NFIB: variants seen among roughly 807,000 people sequenced by gnomAD.
NFIB encodes nuclear factor I B.
In NFIB, 11 loss-of-function variants were observed where a neutral mutation model predicts 61.5. The ratio of observed to expected loss-of-function variants is 0.18; its 90% CI spans 0.11 to 0.30. The LOEUF (loss-of-function observed/expected upper bound fraction) is 0.30, where lower values mean the gene tolerates loss of function less well. Ranked by LOEUF, NFIB falls within the 10% of genes least tolerant of loss-of-function variation. NFIB has a pLI of 1.00. For synonymous variants in NFIB, 260 were observed against 216.5 expected (o/e 1.20, Z -1.76); for missense variants, 471 against 608.9 (o/e 0.77, Z 2.38).
intron 2 of NFIB, among the ~76,000 whole-genome samples, chr9:14,279,778 A>G (rs1383929777): frequency 6.6e-6 from 1 of 152,194 alleles, no homozygotes; most frequent in African/African-American, 2.4e-5. Context: ...CCTCAATAGA[A>G]GGTACACTTA....
chr9:14,165,633 A>G (rs1347046389), intron 3 of NFIB, among the ~76,000 whole-genome samples: 1 of 152,200 alleles, frequency 6.6e-6, no homozygotes, highest in Non-Finnish European at 1.5e-5. Flanking sequence ...ACTCTTCAGC[A>G]AAATTCAACA....
At chr9:14,115,266 C>T (rs1182162796) in intron 9 of NFIB, among the ~76,000 whole-genome samples, 2 of 148,540 alleles carry the variant, frequency 1.3e-5, no homozygotes, top group Non-Finnish European at 3.0e-5. Flanking sequence ...ATTTCAAGAT[C>T]ATGGGGATTT....
intron 2 of NFIB, among the ~76,000 whole-genome samples, chr9:14,284,583 C>G (rs577919027): frequency 1.3e-5 from 2 of 152,194 alleles, no homozygotes; most frequent in South Asian, 4.1e-4. Context: ...AAAGATGCAA[C>G]CAAAAAACTT....
the NFIB span, among the ~76,000 whole-genome samples, chr9:14,429,110 C>T: frequency 2.6e-5 from 4 of 152,156 alleles, no homozygotes; most frequent in African/African-American, 9.7e-5. Context: ...TGAAGACATG[C>T]ACGTCTTACA....
chr9:14,255,920 C>A (rs1017203353), intron 2 of NFIB, among the ~76,000 whole-genome samples: 1 of 152,180 alleles, frequency 6.6e-6, no homozygotes, highest in Admixed American at 6.5e-5. Flanking sequence ...GCGCAAAACA[C>A]CATGCTAGCA....
At chr9:14,379,645 T>C (rs2061461187) in intron 1 of NFIB, among the ~76,000 whole-genome samples, 1 of 152,114 alleles carries the variant, frequency 6.6e-6, no homozygotes, top group African/African-American at 2.4e-5. Context: ...CTGCAGAATT[T>C]CCTTCTTTTT....
chr9:14,214,631 C>A (rs1194870614), intron 2 of NFIB, among the ~76,000 whole-genome samples: 1 of 152,206 alleles, frequency 6.6e-6, no homozygotes, highest in Admixed American at 6.5e-5. Context: ...TACATAACTA[C>A]CAGGAAACTT....
chr9:14,261,273 T>C (rs1587993751), intron 2 of NFIB, among the ~76,000 whole-genome samples: 1 of 151,772 alleles, frequency 6.6e-6, no homozygotes, highest in South Asian at 2.1e-4. Flanking sequence ...GCCGAGATCA[T>C]ACCATTGCAC....
At chr9:14,156,731 T>G (rs1408867189) in intron 3 of NFIB, among the ~76,000 whole-genome samples, 1 of 152,108 alleles carries the variant, frequency 6.6e-6, no homozygotes, top group African/African-American at 2.4e-5. Context: ...CATTCTCATC[T>G]ATGTTAAGGG....
intron 1 of NFIB, among the ~76,000 whole-genome samples, chr9:14,346,676 G>A (rs1034491434): frequency 3.3e-5 from 5 of 152,156 alleles, no homozygotes; most frequent in South Asian, 2.1e-4. Context: ...CTCAAATCTC[G>A]TTAATCCTAG....
At chr9:14,201,223 T>C (rs2048996026) in intron 2 of NFIB, among the ~76,000 whole-genome samples, 1 of 152,070 alleles carries the variant, frequency 6.6e-6, no homozygotes, top group South Asian at 2.1e-4. Context: ...AACACTTCAC[T>C]CCTTAAAACA....
At chr9:14,231,135 A>ATATATATATATATATAT (rs1554681461) in intron 2 of NFIB, among the ~76,000 whole-genome samples, 16 of 35,338 alleles carry the variant, frequency 4.5e-4, no homozygotes, top group African/African-American at 1.2e-3. Context: ...AAAAAAAAAA[A>ATATATATATATATATAT]ATATATATAT....
intron 2 of NFIB, among the ~76,000 whole-genome samples, chr9:14,198,548 C>T (rs1222262975): frequency 1.3e-5 from 2 of 152,086 alleles, no homozygotes; most frequent in Non-Finnish European, 2.9e-5. Flanking sequence ...TGCTACTTGC[C>T]TTATTGTCAT....
At chr9:14,259,350 C>G (rs182209066) in intron 2 of NFIB, among the ~76,000 whole-genome samples, 1 of 152,330 alleles carries the variant, frequency 6.6e-6, no homozygotes, top group African/African-American at 2.4e-5. Flanking sequence ...AATTTAGAAA[C>G]TCATCATTAT....
At chr9:14,133,922 G>A (rs918428692) in intron 6 of NFIB, among the ~76,000 whole-genome samples, 1 of 129,794 alleles carries the variant, frequency 7.7e-6, no homozygotes, top group Non-Finnish European at 1.5e-5. Flanking sequence ...TCCTGAAGGA[G>A]GAAGAAAGGA....
intron 1 of NFIB, among the ~76,000 whole-genome samples, chr9:14,385,591 A>G (rs191408012): frequency 1.2e-3 from 182 of 152,318 alleles, no homozygotes; most frequent in African/African-American, 4.2e-3. Context: ...AAGGAAGGAA[A>G]AAAACCCACC....
chr9:14,358,347 C>T (rs2061200651), intron 1 of NFIB, among the ~76,000 whole-genome samples: 1 of 151,932 alleles, frequency 6.6e-6, no homozygotes, highest in Non-Finnish European at 1.5e-5. Flanking sequence ...ATTTTCTGAG[C>T]ACAATCACTT....
intron 2 of NFIB, among the ~76,000 whole-genome samples, chr9:14,262,983 T>C (rs2056905602): frequency 6.6e-6 from 1 of 152,152 alleles, no homozygotes; most frequent in Non-Finnish European, 1.5e-5. Flanking sequence ...AAACTGTTTC[T>C]AGGTCAGGAG....
At chr9:14,138,895 T>C (rs993760627) in intron 6 of NFIB, among the ~76,000 whole-genome samples, 14 of 95,094 alleles carry the variant, frequency 1.5e-4, no homozygotes, top group Admixed American at 1.1e-3. Context: ...TTGATTTATG[T>C]GTGTGTGTGT....
Sources: allele counts gnomAD v4.1 joint callset (sites outside exome capture counted in the v4.1 genomes callset), GRCh38; gene constraint gnomAD v4.1.1; transcripts MANE v1.5; gene names NCBI Gene and HGNC (gene_info 2026-07-23, HGNC 2026-07-21).